Variants in RASAL2 observed in about 807,000 individuals in gnomAD.
RASAL2 encodes RAS protein activator like 2, also known as ras GTPase-activating protein nGAP.
Under a neutral mutation model 128.9 loss-of-function variants are expected in RASAL2, and 58 were observed. The observed-to-expected ratio is 0.45, with a 90% CI of 0.36 to 0.56. RASAL2 has a LOEUF of 0.56. Ranked by LOEUF, RASAL2 falls within the 20% of genes least tolerant of loss-of-function variation. The probability of loss-of-function intolerance (pLI) is 0.00; values close to 1 mark genes in which losing one functional copy is unlikely to be tolerated. For synonymous variants in RASAL2, 561 were observed against 580.8 expected (o/e 0.97, Z 0.49); for missense variants, 1,360 against 1,601.6 (o/e 0.85, Z 2.57).
At chr1:178,160,963 C>T (rs766436125) in intron 1 of RASAL2, among the ~76,000 whole-genome samples, 1 of 152,202 alleles carries the variant, frequency 6.6e-6, no homozygotes, top group Admixed American at 6.5e-5. Flanking sequence ...TTTACAAACT[C>T]CATTTTCCAT....
chr1:178,296,488 T>C (rs545703885), intron 2 of RASAL2, among the ~76,000 whole-genome samples: 1 of 152,040 alleles, frequency 6.6e-6, no homozygotes, highest in South Asian at 2.1e-4. Context: ...GCCTCCCGAG[T>C]AGCTGGGACT....
At chr1:178,193,092 A>T (rs1662545207) in intron 1 of RASAL2, among the ~76,000 whole-genome samples, 1 of 152,192 alleles carries the variant, frequency 6.6e-6, no homozygotes, top group African/African-American at 2.4e-5. Flanking sequence ...AATATATTTA[A>T]ATCTAGATCA....
intron 1 of RASAL2, among the ~76,000 whole-genome samples, chr1:178,100,259 T>G (rs1658841315): frequency 6.6e-6 from 1 of 151,818 alleles, no homozygotes; most frequent in African/African-American, 2.4e-5. Flanking sequence ...CTTATGCCCA[T>G]AATTCCAGCA....
intron 3 of RASAL2, among the ~76,000 whole-genome samples, chr1:178,384,456 A>C (rs1231666186): frequency 6.6e-6 from 1 of 152,126 alleles, no homozygotes; most frequent in Non-Finnish European, 1.5e-5. Context: ...GCTACAGCAA[A>C]GATTAAGTAA....
At chr1:178,236,640 T>C (rs192077997) in intron 1 of RASAL2, among the ~76,000 whole-genome samples, 1 of 152,314 alleles carries the variant, frequency 6.6e-6, no homozygotes, top group East Asian at 1.9e-4. Flanking sequence ...AGCATTATGA[T>C]TGGTAGTTTA....
At chr1:178,358,727 G>C (rs964214336) in intron 3 of RASAL2, among the ~76,000 whole-genome samples, 66 of 152,198 alleles carry the variant, frequency 4.3e-4, no homozygotes, top group African/African-American at 1.5e-3. Context: ...GTTTGGCATT[G>C]CTGAAGTTGA....
intron 1 of RASAL2, among the ~76,000 whole-genome samples, chr1:178,249,824 C>G (rs894451960): frequency 6.6e-6 from 1 of 152,184 alleles, no homozygotes; most frequent in Non-Finnish European, 1.5e-5. Flanking sequence ...ACAGGCCTCT[C>G]TTCTGCAGAT....
chr1:178,407,955 C>G (rs1490113385), intron 4 of RASAL2, among the ~76,000 whole-genome samples: 1 of 152,164 alleles, frequency 6.6e-6, no homozygotes, highest in African/African-American at 2.4e-5. Flanking sequence ...TGGCCAACAA[C>G]TTTAGTTATC....
chr1:178,259,925 G>A (rs1665585589), intron 1 of RASAL2, among the ~76,000 whole-genome samples: 1 of 152,078 alleles, frequency 6.6e-6, no homozygotes, highest in African/African-American at 2.4e-5. Context: ...TCAGAGTGTA[G>A]AGTACAGCCA....
At chr1:178,394,485 T>C (rs1673098941) in intron 4 of RASAL2, among the ~76,000 whole-genome samples, 1 of 152,242 alleles carries the variant, frequency 6.6e-6, no homozygotes, top group Admixed American at 6.5e-5. Context: ...ACTCTATTTA[T>C]AAAGTGACTA....
At chr1:178,143,665 G>A (rs1183840605) in intron 1 of RASAL2, among the ~76,000 whole-genome samples, 1 of 151,874 alleles carries the variant, frequency 6.6e-6, no homozygotes, top group East Asian at 1.9e-4. Context: ...AGATATACAC[G>A]AGATTGGTAA....
intron 1 of RASAL2, among the ~76,000 whole-genome samples, chr1:178,193,098 G>T (rs981561675): frequency 2.0e-5 from 3 of 152,086 alleles, no homozygotes; most frequent in Non-Finnish European, 4.4e-5. Flanking sequence ...TTTAAATCTA[G>T]ATCACGTTTG....
chr1:178,472,126 G>T (rs1028418494), intron 17 of RASAL2, among the ~76,000 whole-genome samples: 1 of 152,102 alleles, frequency 6.6e-6, no homozygotes, highest in Non-Finnish European at 1.5e-5. Context: ...TAAGATTAGG[G>T]TATCTCTTCT....
In RASAL2 at chr1:178,473,065, T is replaced by C; in HGVS notation, c.3679-10T>C. On this transcript the variant is annotated splice_polypyrimidine_tract_variant and intron_variant, in intron 17 of 17. Coordinates refer to ENST00000367649, the MANE Select transcript of RASAL2 (RefSeq NM_170692.4). ...GTAGCCTGAATAAAGCCATGATTGG[T>C]GTGTTGTAGGAAAAACGGATCGTGT... is the stretch of plus-strand genomic sequence containing the variant. The C allele has an allele frequency of 6.2e-7, 1 of 1,613,986 alleles. No individual in the cohort carries two copies. The highest frequency in any genetic ancestry group is 8.5e-7 in the Non-Finnish European group (1 of 1,179,896).
chr1:178,330,567 C>T (rs1250039066), intron 3 of RASAL2, among the ~76,000 whole-genome samples: 1 of 152,034 alleles, frequency 6.6e-6, no homozygotes, highest in African/African-American at 2.4e-5. Context: ...ATTGTAGTTG[C>T]AGTGGGCTGT....
At chr1:178,305,367 C>G (rs1455780993) in intron 3 of RASAL2, among the ~76,000 whole-genome samples, 2 of 152,090 alleles carry the variant, frequency 1.3e-5, no homozygotes, top group Non-Finnish European at 2.9e-5. Flanking sequence ...AGGAACAAAA[C>G]TAGAGGAATC....
chr1:178,162,379 TTA>T lies in RASAL2; in HGVS notation c.202+67691_202+67692del, dbSNP rs1228183553. On this transcript the variant is annotated intron_variant, in intron 1 of 17. Transcript: ENST00000367649. The stretch of plus-strand genomic sequence containing the variant: ...TATATAATATACATATAATATATAT[TTA>T]TATATTATATATATTATATATTTTA... 4.3e-5 allele frequency among the ~76,000 whole-genome samples: 5 copies of T among 116,956 alleles called. No individual in the cohort carries two copies. In the East Asian group the frequency reaches 1.1e-3, roughly 25 times the overall value. The allele number at this position is 116,956 out of a possible 152,430, so 76.7% of individuals were successfully genotyped here. A position where few individuals can be genotyped will look rare whatever the true frequency, so the allele number is the denominator to read the frequency against.
At chr1:178,200,183 G>A (rs1662814282) in intron 1 of RASAL2, among the ~76,000 whole-genome samples, 1 of 152,184 alleles carries the variant, frequency 6.6e-6, no homozygotes, top group Non-Finnish European at 1.5e-5. Flanking sequence ...GGTACCAAGA[G>A]TGGTTCTAGA....
chr1:178,303,960 G>C (rs1411559526), intron 3 of RASAL2, among the ~76,000 whole-genome samples: 2 of 152,090 alleles, frequency 1.3e-5, no homozygotes, highest in African/African-American at 4.8e-5. Flanking sequence ...TAGTGATTGG[G>C]AGAAATATAA....
Sources: allele counts gnomAD v4.1 joint callset (sites outside exome capture counted in the v4.1 genomes callset), GRCh38; gene constraint gnomAD v4.1.1; transcripts MANE v1.5; gene names NCBI Gene and HGNC (gene_info 2026-07-23, HGNC 2026-07-21).